Variants in L3MBTL3 observed in about 807,000 individuals in gnomAD.
L3MBTL3 encodes the protein L3MBTL histone methyl-lysine binding protein 3.
L3MBTL3 carries 27 observed loss-of-function variants against 102.3 expected under a neutral mutation model. The observed-to-expected ratio is 0.26, with a 90% CI of 0.19 to 0.36. L3MBTL3 has a LOEUF of 0.36. L3MBTL3 is among the 10% of genes least tolerant of loss of function. The pLI is 1.00. For missense variants in L3MBTL3, 798 were observed against 955.3 expected (o/e 0.84, Z 2.17); for synonymous variants, 340 against 320.9 (o/e 1.06, Z -0.64).
intron 13 of L3MBTL3, among the ~76,000 whole-genome samples, chr6:130,071,524 T>C (rs1004670738): frequency 1.3e-5 from 2 of 152,088 alleles, no homozygotes; most frequent in Admixed American, 6.5e-5. Flanking sequence ...TGCACAAAGT[T>C]GTAAAAGCAA....
intron 13 of L3MBTL3, among the ~76,000 whole-genome samples, chr6:130,075,246 G>C (rs982200238): frequency 1.3e-5 from 2 of 152,112 alleles, no homozygotes; most frequent in Non-Finnish European, 2.9e-5. Flanking sequence ...CCAACCACTT[G>C]GAGGGGTGAT....
chr6:130,096,567 G>A (rs898599830), intron 18 of L3MBTL3, among the ~76,000 whole-genome samples: 8 of 152,158 alleles, frequency 5.3e-5, no homozygotes, highest in African/African-American at 1.7e-4. Context: ...ACTGCTTTAC[G>A]TTTGAGTGGA....
chr6:130,039,016 TTAAG>T (rs1562256867), intron 2 of L3MBTL3, among the ~76,000 whole-genome samples: 2 of 152,250 alleles, frequency 1.3e-5, no homozygotes, highest in South Asian at 2.1e-4. Flanking sequence ...TTTTTTCCTA[TTAAG>T]TATTTAAAAG....
intron 9 of L3MBTL3, among the ~76,000 whole-genome samples, chr6:130,058,082 G>T (rs1212099458): frequency 2.0e-5 from 3 of 146,958 alleles, no homozygotes; most frequent in Non-Finnish European, 4.5e-5. Context: ...AGTGGAGCTT[G>T]CAGTGAGCCG....
In L3MBTL3 at chr6:130,060,009, T is replaced by A. The variant is rs534979528; in HGVS notation, c.760-27T>A. The A allele has an allele frequency of 2.2e-6, 3 of 1,388,332 alleles. No individual in the cohort carries two copies. In the African/African-American group the frequency reaches 4.3e-5, roughly 20 times the overall value. The allele number at this position is 1,388,332 out of a possible 1,614,324, so 86.0% of individuals were successfully genotyped here. The stretch of plus-strand genomic sequence containing the variant: ...TAAATAGGGCTTTGGGATAAGGGAC[T>A]AAAACTGCTCTCATTTTGCATTTTA... On this transcript the variant is annotated intron_variant, in intron 9 of 22. Coordinates refer to ENST00000361794, the MANE Select transcript of L3MBTL3 (RefSeq NM_032438.4).
intron 16 of L3MBTL3, among the ~76,000 whole-genome samples, chr6:130,089,701 G>T (rs1188256049): frequency 6.6e-6 from 1 of 152,072 alleles, no homozygotes; most frequent in South Asian, 2.1e-4. Context: ...AAGTGTTCCT[G>T]TTTCTCCACA....
chr6:130,133,655 A>T lies in L3MBTL3; in HGVS notation c.2136+34A>T. Reference sequence around the variant, plus strand: ...TATTTTCTTTGCTGCCCGACACCAGATACAGGATTACTGGCTTAAGAGGTG... The same window carrying T: ...TATTTTCTTTGCTGCCCGACACCAGTTACAGGATTACTGGCTTAAGAGGTG... On this transcript the variant is annotated intron_variant, in intron 21 of 22. Transcript: ENST00000361794. This position sits in a 1 kb window ranked among gnomAD's most constrained non-coding sequence, Gnocchi z 4.9. 6.2e-7 allele frequency: 1 copy of T among 1,608,052 alleles called. No individual in the cohort carries two copies. Among genetic ancestry groups the T allele is most frequent in the Non-Finnish European group, 8.5e-7 (1 of 1,177,904 alleles).
chr6:130,088,160 C>A (rs2115175895), intron 16 of L3MBTL3, among the ~76,000 whole-genome samples: 1 of 152,086 alleles, frequency 6.6e-6, no homozygotes, highest in East Asian at 1.9e-4. Context: ...TCCATAACAC[C>A]CCAGAAATAC....
rs1160345771 is a variant in L3MBTL3 at position 130,055,203 on chromosome 6, T to C, written c.615T>C (p.Gly205=). 8 of 1,613,842 alleles carry C rather than the reference T, an allele frequency of 5.0e-6. No homozygotes were observed. Among genetic ancestry groups the C allele is most frequent in the Non-Finnish European group, 6.8e-6 (8 of 1,179,916 alleles). ...ENKQDVRILR[G]SQRARRKRRG... is the part of the protein sequence containing the mutation. ...AACAAGATGTAAGAATCCTGAGGGG[T>C]TCGCAGAGAGCACGGAGGAAAAGAC... The change falls in exon 8 of 23, where the codon GGT becomes GGC. Residue 205 remains glycine, a synonymous_variant. Transcript: ENST00000361794.
intron 19 of L3MBTL3, among the ~76,000 whole-genome samples, chr6:130,112,987 G>A (rs548456104): frequency 6.6e-6 from 1 of 152,180 alleles, no homozygotes; most frequent in Non-Finnish European, 1.5e-5. Flanking sequence ...CCCTCACGCT[G>A]CTCCTAGAGG....
At chr6:130,112,392 C>T (rs1785409621) in intron 19 of L3MBTL3, among the ~76,000 whole-genome samples, 1 of 152,144 alleles carries the variant, frequency 6.6e-6, no homozygotes, top group African/African-American at 2.4e-5. Flanking sequence ...GTTAAAACTC[C>T]TACACTTTGA....
chr6:130,115,416 AAT>A (rs1361332138), intron 19 of L3MBTL3, among the ~76,000 whole-genome samples: 16 of 152,214 alleles, frequency 1.1e-4, no homozygotes, highest in Admixed American at 9.8e-4. Flanking sequence ...AGGTGGCGGA[AAT>A]CGATAAATCC....
At chr6:130,127,160 C>G (rs142763113) in intron 20 of L3MBTL3, among the ~76,000 whole-genome samples, 1 of 152,272 alleles carries the variant, frequency 6.6e-6, no homozygotes, top group Non-Finnish European at 1.5e-5. Context: ...TGAAAAGTCT[C>G]TCTGAGCATG....
intron 18 of L3MBTL3, among the ~76,000 whole-genome samples, chr6:130,096,267 C>T (rs1784361803): frequency 6.6e-6 from 1 of 152,122 alleles, no homozygotes; most frequent in African/African-American, 2.4e-5. Flanking sequence ...CAGACCCAAC[C>T]TTCAAAGAAT....
chr6:130,060,884 A>ATTT (rs1781850191), intron 10 of L3MBTL3, among the ~76,000 whole-genome samples: 1 of 151,862 alleles, frequency 6.6e-6, no homozygotes, highest in Non-Finnish European at 1.5e-5. Flanking sequence ...TTCCTCCCAA[A>ATTT]AGAATAAAAT....
At chr6:130,025,006 G>C (rs1779251818) in intron 2 of L3MBTL3, among the ~76,000 whole-genome samples, 1 of 152,116 alleles carries the variant, frequency 6.6e-6, no homozygotes, top group Admixed American at 6.6e-5. Flanking sequence ...CTTCAGAAAT[G>C]AGTAAGAAGC....
rs145481149 is a variant in L3MBTL3, at chr6:130,057,387, C to T, written c.668-19C>T. On this transcript the variant is annotated intron_variant, in intron 8 of 22. Transcript: ENST00000361794. The stretch of plus-strand genomic sequence containing the variant: ...TTAGATTTGGAAATTCTGTCATTTC[C>T]GTCTTGCTTGCCTTTCAGGTTTGCC... The T allele has an allele frequency of 2.2e-5, 35 of 1,586,068 alleles. No homozygotes were observed. The East Asian group carries it at 4.1e-4, about 18-fold the overall frequency.
chr6:130,049,867 T>A, intron 5 of L3MBTL3, 37 bp downstream of exon 5: 1 of 1,575,126 alleles, frequency 6.3e-7, no homozygotes, highest in Middle Eastern at 1.7e-4. Flanking sequence ...TGCAATTCAT[T>A]TTCTATTTCT....
intron 20 of L3MBTL3, among the ~76,000 whole-genome samples, chr6:130,132,800 G>T (rs1224261486): frequency 6.6e-6 from 1 of 151,668 alleles, no homozygotes; most frequent in African/African-American, 2.4e-5. Flanking sequence ...ATGGGACCTT[G>T]TCTTGTTGCC....
Sources: gnomAD v4.1 joint callset for allele counts (sites outside exome capture counted in the v4.1 genomes callset) on GRCh38, gnomAD v4.1.1 for gene constraint, Gnocchi (gnomAD v3.1) non-coding constraint, MANE v1.5 for transcripts, NCBI Gene and HGNC (gene_info 2026-07-23, HGNC 2026-07-21) for gene names.